The following SEMA6D variants were observed in gnomAD, a reference collection of about 807,000 sequenced individuals.
The protein encoded by SEMA6D is semaphorin 6D, also known as semaphorin-6D.
A neutral mutation model predicts 106.6 loss-of-function variants in SEMA6D; 35 were observed. That is an observed-to-expected ratio of 0.33 (90% CI 0.25 to 0.44). The LOEUF is 0.44. SEMA6D is among the 20% of genes least tolerant of loss of function. The probability of loss-of-function intolerance (pLI) is 1.00; values close to 1 mark genes in which losing one functional copy is unlikely to be tolerated. For synonymous variants in SEMA6D, 499 were observed against 487.7 expected (o/e 1.02, Z -0.31); for missense variants, 1,185 against 1,345.9 (o/e 0.88, Z 1.87).
chr15:47,272,587 G>A (rs1180633386), intron 1 of SEMA6D: 1 of 152,354 alleles, frequency 6.6e-6, no homozygotes, highest in Non-Finnish European at 1.5e-5. Context: ...CAACAAGAAT[G>A]GTAATTTACA....
chr15:47,293,473 T>C (rs1457159017), intron 1 of SEMA6D, among the ~76,000 whole-genome samples: 1 of 152,302 alleles, frequency 6.6e-6, no homozygotes, highest in South Asian at 2.1e-4. Context: ...CTTAGTGCCC[T>C]AAGCTTTGGG....
chr15:47,242,940 A>G (rs909577945), intron 1 of SEMA6D, among the ~76,000 whole-genome samples: 10 of 152,156 alleles, frequency 6.6e-5, no homozygotes, highest in African/African-American at 2.2e-4. Context: ...GCTGTGGTCT[A>G]TTACTAAAGC....
chr15:47,310,083 G>C (rs539249670), intron 1 of SEMA6D, among the ~76,000 whole-genome samples: 3 of 152,132 alleles, frequency 2.0e-5, no homozygotes, highest in Non-Finnish European at 4.4e-5. Flanking sequence ...CTAAATTTCT[G>C]GTTCTGTGTG....
intron 3 of SEMA6D, among the ~76,000 whole-genome samples, chr15:47,564,845 G>T (rs1206942907): frequency 6.6e-6 from 1 of 152,162 alleles, no homozygotes. Flanking sequence ...CAGAGAGGAA[G>T]AAGAATCTAG....
At chr15:47,465,587 G>C (rs1038925847) in intron 2 of SEMA6D, among the ~76,000 whole-genome samples, 1 of 152,148 alleles carries the variant, frequency 6.6e-6, no homozygotes, top group Non-Finnish European at 1.5e-5. Flanking sequence ...GGATTGTGGG[G>C]GCGGACTTTT....
intron 1 of SEMA6D, among the ~76,000 whole-genome samples, chr15:47,377,584 C>A (rs538866040): frequency 1.1e-4 from 16 of 152,254 alleles, no homozygotes; most frequent in Admixed American, 5.2e-4. Flanking sequence ...AAAATCATTA[C>A]TCAGTAAGTG....
intron 3 of SEMA6D, among the ~76,000 whole-genome samples, chr15:47,478,870 G>A (rs916782082): frequency 6.6e-5 from 10 of 151,934 alleles, no homozygotes; most frequent in African/African-American, 1.9e-4. Context: ...CGAAGGAGGG[G>A]CAAAGGCACA....
At position 47,430,646 on chromosome 15, in the gene SEMA6D, G is replaced by A. The variant is rs144139282; in HGVS notation, c.-159+18174G>A. On this transcript the variant is annotated intron_variant, in intron 2 of 19. Transcript: ENST00000558014. ...AGAAAACTTGAAAAGTGACCAAAAC[G>A]AAAGAGCATATGTTTCCTTTCAATG... is the stretch of plus-strand genomic sequence containing the variant. 1.5e-4 allele frequency among the ~76,000 whole-genome samples: 23 copies of A among 152,072 alleles called. No individual in the cohort carries two copies. The East Asian group carries it at 3.5e-3, about 23-fold the overall frequency.
chr15:47,508,543 C>T lies in SEMA6D; in HGVS notation c.-87+37998C>T, dbSNP rs542830174. On this transcript the variant is annotated intron_variant, in intron 3 of 19. Transcript: ENST00000558014. ...TGCTTAGAATAGTTTATTGGCTCAACTTTTTAAAAGCAATTTCAATCTGTG... is the reference window on the plus strand; with the variant it reads ...TGCTTAGAATAGTTTATTGGCTCAATTTTTTAAAAGCAATTTCAATCTGTG... Among the ~76,000 whole-genome samples the T allele has an allele frequency of 6.0e-4, 91 of 152,270 alleles. 2 individuals are homozygous for T. The South Asian group carries it at 0.019, about 31-fold the overall frequency.
intron 2 of SEMA6D, among the ~76,000 whole-genome samples, chr15:47,446,341 T>C (rs1313239581): frequency 6.6e-6 from 1 of 152,172 alleles, no homozygotes; most frequent in African/African-American, 2.4e-5. Context: ...GATGCTCTGT[T>C]CTTTGCGGGT....
intron 1 of SEMA6D, among the ~76,000 whole-genome samples, chr15:47,262,326 A>G (rs990587531): frequency 2.0e-5 from 3 of 152,154 alleles, no homozygotes; most frequent in Admixed American, 6.6e-5. Flanking sequence ...TCACACTGCT[A>G]TGAAGAAATA....
At chr15:47,604,538 A>G (rs1040275511) in intron 4 of SEMA6D, among the ~76,000 whole-genome samples, 9 of 152,228 alleles carry the variant, frequency 5.9e-5, no homozygotes, top group African/African-American at 2.2e-4. Flanking sequence ...AAACTTTGTC[A>G]AATTGAATTA....
intron 1 of SEMA6D, among the ~76,000 whole-genome samples, chr15:47,313,757 T>C (rs2036534877): frequency 6.6e-6 from 1 of 152,146 alleles, no homozygotes; most frequent in Non-Finnish European, 1.5e-5. Flanking sequence ...AGTGAGACAG[T>C]GCTGCTGTGT....
rs140205212 is a variant in SEMA6D at position 47,205,643 on chromosome 15, T to C, written c.-239+21225T>C. Among the ~76,000 whole-genome samples, 38 of 152,276 alleles carry C rather than the reference T, an allele frequency of 2.5e-4. No homozygotes were observed. In the East Asian group the frequency reaches 7.1e-3, roughly 29 times the overall value. On this transcript the variant is annotated intron_variant, in intron 1 of 19. Coordinates refer to the SEMA6D transcript ENST00000558014. ...CATTATTTGCTGATGGCATTATAAA[T>C]TGAGAAGCCCTTTAGAAAGCCACAG...
intron 4 of SEMA6D, among the ~76,000 whole-genome samples, chr15:47,636,612 A>G (rs1566950432): frequency 6.6e-6 from 1 of 152,148 alleles, no homozygotes; most frequent in Non-Finnish European, 1.5e-5. Flanking sequence ...ATCCTCTTCT[A>G]TCATTTCCTC....
At chr15:47,647,460 A>C (rs989796287) in intron 4 of SEMA6D, among the ~76,000 whole-genome samples, 38 of 152,220 alleles carry the variant, frequency 2.5e-4, no homozygotes, top group Non-Finnish European at 1.5e-4. Flanking sequence ...GGTTACACTA[A>C]AGAAGTATTG....
At chr15:47,365,115 G>A (rs1325214273) in intron 1 of SEMA6D, among the ~76,000 whole-genome samples, 2 of 152,162 alleles carry the variant, frequency 1.3e-5, no homozygotes, top group African/African-American at 4.8e-5. Context: ...GGCTCCGAGA[G>A]GATATCCCAC....
chr15:47,702,021 C>A (rs537656279), intron 4 of SEMA6D, among the ~76,000 whole-genome samples: 26 of 152,276 alleles, frequency 1.7e-4, no homozygotes, highest in African/African-American at 5.3e-4. Flanking sequence ...CGACATTTTT[C>A]TTCTTCTTTT....
At chr15:47,346,526 C>T (rs1274811819) in intron 1 of SEMA6D, among the ~76,000 whole-genome samples, 1 of 152,058 alleles carries the variant, frequency 6.6e-6, no homozygotes, top group African/African-American at 2.4e-5. Flanking sequence ...GTTCAATTAC[C>T]AGATGATAGC....
Sources: allele counts gnomAD v4.1 joint callset (sites outside exome capture counted in the v4.1 genomes callset), GRCh38; gene constraint gnomAD v4.1.1; transcripts MANE v1.5; gene names NCBI Gene and HGNC (gene_info 2026-07-23, HGNC 2026-07-21).